Variants in CCNB3 observed in about 807,000 individuals in gnomAD.
CCNB3 encodes the protein cyclin B3, also known as G2/mitotic-specific cyclin-B3.
Under a neutral mutation model 68.0 loss-of-function variants are expected in CCNB3, and 12 were observed. The observed-to-expected ratio is 0.18, with a 90% CI of 0.11 to 0.29. The LOEUF (loss-of-function observed/expected upper bound fraction) is 0.29, where lower values mean the gene tolerates loss of function less well. Among genes scored for constraint, CCNB3 ranks in the 10% least tolerant of loss-of-function variants. The pLI, the probability that CCNB3 is intolerant of heterozygous loss-of-function variation, is 1.00. For missense variants in CCNB3, 904 were observed against 993.1 expected, an observed-to-expected ratio of 0.91 and a Z score of 1.21; for synonymous variants, 354 against 388.9, an observed-to-expected ratio of 0.91 and a Z score of 1.06.
At chrX:50,283,082 A>G (rs1185371733) in intron 1 of CCNB3, among the ~76,000 whole-genome samples, 1 of 111,649 alleles carries the variant, frequency 9.0e-6, no homozygotes, top group African/African-American at 3.3e-5. Flanking sequence ...CCTGCCATGC[A>G]TCAGGTTTTG....
intron 8 of CCNB3, among the ~76,000 whole-genome samples, chrX:50,321,492 A>G (rs906961453): frequency 1.4e-4 from 16 of 111,555 alleles, no homozygotes; most frequent in Non-Finnish European, 2.8e-4. Context: ...ACTTTCTCCA[A>G]TGATTATCCA....
chrX:50,226,364 GAATATATATAA>G (rs1935797933), intron 1 of CCNB3, among the ~76,000 whole-genome samples: 1 of 42,930 alleles, frequency 2.3e-5, no homozygotes, highest in African/African-American at 1.0e-4. Context: ...AATATGTATA[GAATATATATAA>G]AAATATATAT....
At chrX:50,301,069 A>G (rs1936620206) in intron 5 of CCNB3, among the ~76,000 whole-genome samples, 1 of 109,325 alleles carries the variant, frequency 9.1e-6, no homozygotes. Flanking sequence ...CTTCTTTGCC[A>G]TTGGTTCGGA....
intron 11 of CCNB3, among the ~76,000 whole-genome samples, chrX:50,348,019 A>G (rs868911722): frequency 9.0e-6 from 1 of 111,582 alleles, no homozygotes; most frequent in Non-Finnish European, 1.9e-5. Context: ...TGAAAGCCCA[A>G]TATTACATAC....
intron 1 of CCNB3, among the ~76,000 whole-genome samples, chrX:50,228,586 A>G (rs1448236533): frequency 1.1e-5 from 1 of 87,411 alleles, no homozygotes; most frequent in Admixed American, 1.6e-4. Flanking sequence ...GAATATATAT[A>G]GAATATAGAT....
At position 50,313,354 on chromosome X, in the gene CCNB3, A is replaced by C. The variant is rs181831001; in HGVS notation, c.3424-502A>C. Among the ~76,000 whole-genome samples, 254 of 111,676 alleles carry C rather than the reference A, an allele frequency of 2.3e-3. 1 individual carries two copies. The highest frequency in any genetic ancestry group is 7.8e-3 in the African/African-American group (242 of 30,852). The stretch of plus-strand genomic sequence containing the variant: ...GCCCACACTTTTTCTGGCATACCTA[A>C]GTAAGGGACATCTTTGTTATAATAA... On this transcript the variant is annotated intron_variant, in intron 7 of 12. Coordinates refer to ENST00000376042, the MANE Select transcript of CCNB3 (RefSeq NM_033031.3).
rs1557214574 is a variant in CCNB3 at position 50,310,452 on chromosome X, C to T, written c.2283C>T (p.Phe761=). Residue 761 remains phenylalanine (F), a synonymous_variant, in exon 6 of 13, where the codon TTC becomes TTT. Coordinates refer to ENST00000376042, the MANE Select transcript of CCNB3 (RefSeq NM_033031.3). Reference sequence around the variant, plus strand: ...CCACTTCTCATGGAAAAGTGTTCTTCCTGAAGAAGCAGTTGGCTTTGAATG... The same window carrying T: ...CCACTTCTCATGGAAAAGTGTTCTTTCTGAAGAAGCAGTTGGCTTTGAATG... ...KKSTSHGKVF[F]LKKQLALNET... 3 of 1,210,116 alleles carry T rather than the reference C, an allele frequency of 2.5e-6. No homozygotes were observed. The highest frequency in any genetic ancestry group is 1.8e-5 in the South Asian group (1 of 56,545).
chrX:50,317,818 C>T lies in CCNB3; in HGVS notation c.3516+3870C>T, dbSNP rs186035387. 3.8e-3 allele frequency among the ~76,000 whole-genome samples: 421 copies of T among 111,050 alleles called. 3 individuals are homozygous for T. The highest frequency in any genetic ancestry group is 0.013 in the African/African-American group (398 of 30,557). On this transcript the variant is annotated intron_variant, in intron 8 of 12. Transcript: ENST00000376042. ...CTCCTGACCTCAGGTGATCCGCCTG[C>T]CTCAGCCTCCCAAAGTGCTGTGATT...
At chrX:50,340,817 A>C (rs968097234) in intron 8 of CCNB3, among the ~76,000 whole-genome samples, 3 of 111,781 alleles carry the variant, frequency 2.7e-5, no homozygotes, top group African/African-American at 6.5e-5. Flanking sequence ...AGGATACATA[A>C]GAAAAAGAAA....
intron 1 of CCNB3, among the ~76,000 whole-genome samples, chrX:50,279,910 T>A (rs1936080723): frequency 1.2e-5 from 1 of 86,832 alleles, no homozygotes; most frequent in Non-Finnish European, 2.1e-5. Context: ...TGTATATATA[T>A]AAAAATATAT....
intron 8 of CCNB3, among the ~76,000 whole-genome samples, chrX:50,315,397 G>A (rs1441269085): frequency 1.8e-5 from 2 of 110,976 alleles, no homozygotes; most frequent in African/African-American, 6.5e-5. Flanking sequence ...TGACTTTTTG[G>A]ATATAAAGTT....
At chrX:50,227,026 TAC>T (rs1178469192) in intron 1 of CCNB3, among the ~76,000 whole-genome samples, 11 of 78,261 alleles carry the variant, frequency 1.4e-4, no homozygotes, top group African/African-American at 5.7e-4. Flanking sequence ...AAAATATATA[TAC>T]AAATATATAG....
At chrX:50,339,828 C>A (rs782165082) in intron 8 of CCNB3, among the ~76,000 whole-genome samples, 1 of 110,867 alleles carries the variant, frequency 9.0e-6, no homozygotes, top group Admixed American at 9.6e-5. Flanking sequence ...TTTAGACAAC[C>A]AGATCTCACA....
intron 1 of CCNB3, among the ~76,000 whole-genome samples, chrX:50,228,810 AAT>A (rs1201871950): frequency 2.1e-4 from 15 of 72,867 alleles, no homozygotes; most frequent in African/African-American, 5.0e-4. Flanking sequence ...AGATATATAG[AAT>A]ATATATATAG....
intron 1 of CCNB3, among the ~76,000 whole-genome samples, chrX:50,282,998 G>T (rs780275201): frequency 1.8e-5 from 2 of 111,519 alleles, no homozygotes; most frequent in African/African-American, 3.3e-5. Flanking sequence ...CTTGGCTGAG[G>T]TTTGAGGAAT....
intron 8 of CCNB3, among the ~76,000 whole-genome samples, chrX:50,322,007 T>G (rs1275081745): frequency 9.1e-6 from 1 of 109,758 alleles, no homozygotes; most frequent in African/African-American, 3.3e-5. Flanking sequence ...ATGTTATGAG[T>G]GTTATCCTTT....
intron 1 of CCNB3, among the ~76,000 whole-genome samples, chrX:50,214,508 A>ATATATATATATATATATATATATATT (rs1211047337): frequency 5.8e-5 from 4 of 68,771 alleles, no homozygotes; most frequent in Non-Finnish European, 8.6e-5. Context: ...ATATATATAT[A>ATATATATATATATATATATATATATT]TTTTAGCTGT....
intron 1 of CCNB3, among the ~76,000 whole-genome samples, chrX:50,279,693 C>A (rs1213424707): frequency 4.6e-5 from 4 of 86,211 alleles, no homozygotes; most frequent in Admixed American, 1.6e-4. Flanking sequence ...TCTATGCAAA[C>A]ATATATGTGA....
chrX:50,209,719 A>G (rs1192675233), intron 1 of CCNB3, among the ~76,000 whole-genome samples: 1 of 111,839 alleles, frequency 8.9e-6, no homozygotes, highest in South Asian at 3.7e-4. Flanking sequence ...TTATTCATCT[A>G]TGTCATTTCT....
Sources: allele counts gnomAD v4.1 joint callset (sites outside exome capture counted in the v4.1 genomes callset), GRCh38; gene constraint gnomAD v4.1.1; transcripts MANE v1.5; gene names NCBI Gene and HGNC (gene_info 2026-07-23, HGNC 2026-07-21).